The following KIAA1217 variants were observed in gnomAD, a reference collection of about 807,000 sequenced individuals.
KIAA1217 encodes sickle tail protein homolog.
Under a neutral mutation model 163.9 loss-of-function variants are expected in KIAA1217, and 88 were observed. The ratio of observed to expected loss-of-function variants is 0.54; its 90% CI spans 0.45 to 0.64. The LOEUF is 0.64. KIAA1217 is among the 30% of genes least tolerant of loss of function. The probability of loss-of-function intolerance (pLI) is 0.00; values close to 1 mark genes in which losing one functional copy is unlikely to be tolerated. For missense variants in KIAA1217, 2,372 were observed against 2,475.0 expected, an observed-to-expected ratio of 0.96 and a Z score of 0.88; for synonymous variants, 903 against 923.1, an observed-to-expected ratio of 0.98 and a Z score of 0.39.
chr10:23,962,540 T>A (rs2131375074), intron 1 of KIAA1217, among the ~76,000 whole-genome samples: 1 of 152,340 alleles, frequency 6.6e-6, no homozygotes, highest in African/African-American at 2.4e-5. Context: ...ATAGCTCCGA[T>A]GAACTTCAAG....
chr10:24,069,631 C>T (rs1016090892), intron 2 of KIAA1217, among the ~76,000 whole-genome samples: 1 of 152,122 alleles, frequency 6.6e-6, no homozygotes, highest in Admixed American at 6.5e-5. Flanking sequence ...TCCAATTTTC[C>T]CACCAGTTTT....
intron 1 of KIAA1217, among the ~76,000 whole-genome samples, chr10:23,966,288 C>T (rs1845063261): frequency 6.6e-6 from 1 of 152,178 alleles, no homozygotes; most frequent in African/African-American, 2.4e-5. Flanking sequence ...TGAGCAAAGG[C>T]TGTAAGCATT....
intron 2 of KIAA1217, among the ~76,000 whole-genome samples, chr10:24,280,744 A>G (rs968248219): frequency 6.7e-6 from 1 of 150,158 alleles, no homozygotes; most frequent in African/African-American, 2.5e-5. Flanking sequence ...TGGGAGGCGG[A>G]GCTTGCAGTG....
chr10:23,852,599 C>T (rs1359777136), intron 1 of KIAA1217, among the ~76,000 whole-genome samples: 3 of 152,162 alleles, frequency 2.0e-5, no homozygotes, highest in Non-Finnish European at 4.4e-5. Context: ...TGTAAATTAC[C>T]TTGGGCCGTA....
chr10:24,214,177 A>C (rs2068515484), intron 1 of KIAA1217, among the ~76,000 whole-genome samples: 1 of 152,138 alleles, frequency 6.6e-6, no homozygotes, highest in African/African-American at 2.4e-5. Context: ...CAAAGAAAAA[A>C]AACAAGGGAG....
chr10:23,817,998 T>TAC (rs1299529809), intron 1 of KIAA1217, among the ~76,000 whole-genome samples: 1 of 103,740 alleles, frequency 9.6e-6, no homozygotes, highest in African/African-American at 4.2e-5. Flanking sequence ...TATATATATA[T>TAC]ATATATATAT....
At chr10:23,814,105 A>G (rs1373409862) in intron 1 of KIAA1217, among the ~76,000 whole-genome samples, 2 of 152,170 alleles carry the variant, frequency 1.3e-5, no homozygotes, top group African/African-American at 4.8e-5. Context: ...CACTTTTTAA[A>G]AGGAGCCCCC....
At chr10:23,893,808 A>T (rs1841535774) in intron 1 of KIAA1217, among the ~76,000 whole-genome samples, 1 of 152,120 alleles carries the variant, frequency 6.6e-6, no homozygotes. Flanking sequence ...AGTGGGCTTC[A>T]TCCCTGGGAT....
At chr10:24,490,306 G>T (rs950325965) in intron 6 of KIAA1217, among the ~76,000 whole-genome samples, 3 of 152,212 alleles carry the variant, frequency 2.0e-5, no homozygotes, top group African/African-American at 7.2e-5. Flanking sequence ...TGGCAAGAAT[G>T]AGCCTAAATG....
chr10:24,508,290 C>T (rs1320343685), intron 9 of KIAA1217, among the ~76,000 whole-genome samples: 1 of 152,036 alleles, frequency 6.6e-6, no homozygotes, highest in East Asian at 1.9e-4. Context: ...AAGCATGTAA[C>T]AAAATTTAGC....
intron 13 of KIAA1217, among the ~76,000 whole-genome samples, chr10:24,527,319 G>T (rs375571414): frequency 2.0e-5 from 3 of 147,822 alleles, no homozygotes; most frequent in Non-Finnish European, 3.0e-5. Flanking sequence ...AAAATTTTAG[G>T]CTGGGCATGG....
intron 1 of KIAA1217, among the ~76,000 whole-genome samples, chr10:23,954,314 C>G (rs1166369616): frequency 1.3e-5 from 2 of 152,112 alleles, no homozygotes; most frequent in African/African-American, 4.8e-5. Context: ...CCTATAATCT[C>G]AGCACTTTGG....
At chr10:23,873,168 C>A (rs1840540057) in intron 1 of KIAA1217, among the ~76,000 whole-genome samples, 1 of 151,944 alleles carries the variant, frequency 6.6e-6, no homozygotes, top group Non-Finnish European at 1.5e-5. Context: ...ATCATTAAAC[C>A]TAGGGACAAA....
At chr10:24,336,275 G>A (rs1236047827) in intron 2 of KIAA1217, among the ~76,000 whole-genome samples, 1 of 152,140 alleles carries the variant, frequency 6.6e-6, no homozygotes, top group Non-Finnish European at 1.5e-5. Flanking sequence ...ATTAATTTAT[G>A]GGGCACTTGG....
chr10:23,750,535 C>G (rs1839680311), intron 1 of KIAA1217, among the ~76,000 whole-genome samples: 1 of 152,144 alleles, frequency 6.6e-6, no homozygotes, highest in African/African-American at 2.4e-5. Flanking sequence ...TTCTCACATG[C>G]ACAGTCCTTT....
intron 2 of KIAA1217, among the ~76,000 whole-genome samples, chr10:24,247,124 C>T (rs1451411015): frequency 5.8e-5 from 8 of 138,288 alleles, no homozygotes; most frequent in Admixed American, 2.2e-4. Context: ...ATTTTCTTTT[C>T]TTTTTTTTTT....
chr10:24,305,317 A>G (rs1288218773), intron 2 of KIAA1217, among the ~76,000 whole-genome samples: 1 of 152,182 alleles, frequency 6.6e-6, no homozygotes, highest in East Asian at 1.9e-4. Flanking sequence ...AAGATGGTGG[A>G]CTGGTGTCCT....
At chr10:24,152,617 A>G (rs1326212223) in intron 2 of KIAA1217, among the ~76,000 whole-genome samples, 1 of 152,096 alleles carries the variant, frequency 6.6e-6, no homozygotes, top group East Asian at 1.9e-4. Context: ...ATCTCCCTCT[A>G]TATCCAGTAA....
At chr10:24,219,292 T>G (rs1358625540) in intron 1 of KIAA1217, among the ~76,000 whole-genome samples, 1 of 152,088 alleles carries the variant, frequency 6.6e-6, no homozygotes, top group East Asian at 1.9e-4. Flanking sequence ...TTTAATTTTT[T>G]GTAGAGATAG....
Sources: gnomAD v4.1 joint callset for allele counts (sites outside exome capture counted in the v4.1 genomes callset) on GRCh38, gnomAD v4.1.1 for gene constraint, MANE v1.5 for transcripts, NCBI Gene and HGNC (gene_info 2026-07-23, HGNC 2026-07-21) for gene names.